The following MAK16 variants were observed in gnomAD, a reference collection of about 807,000 sequenced individuals.
The protein encoded by MAK16 is protein MAK16 homolog.
MAK16 carries 12 observed loss-of-function variants against 49.9 expected under a neutral mutation model. That is an observed-to-expected ratio of 0.24 (90% confidence interval 0.15 to 0.39). The LOEUF (loss-of-function observed/expected upper bound fraction) is 0.39. Among genes scored for constraint, MAK16 ranks in the 10% least tolerant of loss-of-function variants. The pLI, the probability that MAK16 is intolerant of heterozygous loss-of-function variation, is 1.00. For synonymous variants in MAK16, 115 were observed against 126.4 expected (o/e 0.91, Z 0.60); for missense variants, 292 against 363.7 (o/e 0.80, Z 1.60).
chr8:33,496,708 T>C lies in MAK16; in HGVS notation c.606T>C (p.Thr202=). The C allele has an allele frequency of 1.2e-6, 2 of 1,612,378 alleles. No homozygotes were observed. The highest frequency in any genetic ancestry group is 1.7e-6 in the Non-Finnish European group (2 of 1,179,416). Residue 202 remains threonine (T), a synonymous_variant, in exon 8 of 10, where the codon ACT becomes ACC. Transcript: ENST00000360128. The stretch of plus-strand genomic sequence containing the variant: ...AGGCAGAGAGTGACTCTTCAGATAC[T>C]GAGGAAAAAGATGATGATGATGATG... ...QQEAESDSSD[T]EEKDDDDDDE...
intron 1 of MAK16, among the ~76,000 whole-genome samples, chr8:33,486,829 T>C (rs1808695252): frequency 6.6e-6 from 1 of 152,192 alleles, no homozygotes; most frequent in South Asian, 2.1e-4. Flanking sequence ...GATATGTTAA[T>C]ATTTATGTTG....
Position 33,496,697 on chromosome 8 carries a change from T to C in MAK16, c.595T>C (p.Ser199Pro). ...GGAACAACAGGAGGCAGAGAGTGAC[T>C]CTTCAGATACTGAGGAAAAAGATGA... The part of the protein sequence containing the change: ...ALEQQEAESD[S>P]SDTEEKDDDD... Residue 199 changes from serine to proline, a missense_variant, in exon 8 of 10, where the codon TCT becomes CCT. Transcript: ENST00000360128. 1 of 1,613,388 alleles carries C rather than the reference T, an allele frequency of 6.2e-7. No homozygotes were observed. Among genetic ancestry groups the C allele is most frequent in the Admixed American group, 1.7e-5 (1 of 59,886 alleles).
At chr8:33,485,864 A>G (rs1563345244) in intron 1 of MAK16, among the ~76,000 whole-genome samples, 1 of 152,248 alleles carries the variant, frequency 6.6e-6, no homozygotes, top group Non-Finnish European at 1.5e-5. Context: ...ATTACACTAT[A>G]TAATCATACT....
rs536963979 is a variant in MAK16 at position 33,499,184 on chromosome 8, T to G, written c.*555T>G. On this transcript the variant is annotated 3_prime_UTR_variant, in exon 10 of 10. Transcript: ENST00000360128. ...AAGTAATACAAGTCTTAAGTTCCATTGTAGGGTGCGCCTTCAGAAACCTGC... is the reference window on the plus strand; with the variant it reads ...AAGTAATACAAGTCTTAAGTTCCATGGTAGGGTGCGCCTTCAGAAACCTGC... The G allele has an allele frequency of 1.1e-4, 171 of 1,613,594 alleles. No individual in the cohort carries two copies. In the South Asian group the frequency reaches 1.8e-3, roughly 17 times the overall value.
chr8:33,494,772 C>G (rs1482039331), intron 6 of MAK16, among the ~76,000 whole-genome samples: 1 of 152,044 alleles, frequency 6.6e-6, no homozygotes, highest in East Asian at 1.9e-4. Context: ...CAACATGGAA[C>G]ATCGCTGTAG....
At chr8:33,491,058 C>T (rs1183799070) in intron 6 of MAK16, among the ~76,000 whole-genome samples, 1 of 152,170 alleles carries the variant, frequency 6.6e-6, no homozygotes, top group African/African-American at 2.4e-5. Flanking sequence ...TGCCTGGCTT[C>T]TTTCACTTAA....
chr8:33,487,209 G>A (rs149146331), intron 1 of MAK16, among the ~76,000 whole-genome samples: 1,845 of 152,112 alleles, frequency 0.012, 18 homozygotes, highest in Non-Finnish European at 0.019. Flanking sequence ...CTAGATAGAC[G>A]AAACTCTTTA....
At chr8:33,497,094 T>C in intron 8 of MAK16, 138 bp from the exon 9 acceptor site, 1 of 629,102 alleles carries the variant, frequency 1.6e-6, no homozygotes, top group Non-Finnish European at 2.7e-6. Context: ...TTCAGAAGCA[T>C]TAAATTTAGA....
intron 6 of MAK16, among the ~76,000 whole-genome samples, chr8:33,492,040 C>T (rs940487726): frequency 2.0e-5 from 3 of 151,844 alleles, no homozygotes; most frequent in African/African-American, 4.8e-5. Context: ...GATGGAGTCT[C>T]ATTCTGTCAC....
At chr8:33,497,705 G>A (rs986783076) in intron 9 of MAK16, among the ~76,000 whole-genome samples, 6 of 151,464 alleles carry the variant, frequency 4.0e-5, no homozygotes, top group Non-Finnish European at 8.8e-5. Flanking sequence ...TGTTGGCCAG[G>A]CTGGTCTAGA....
At chr8:33,492,253 C>G (rs1808790457) in intron 6 of MAK16, among the ~76,000 whole-genome samples, 1 of 152,044 alleles carries the variant, frequency 6.6e-6, no homozygotes, top group Admixed American at 6.6e-5. Flanking sequence ...CTCAGGTGAT[C>G]TACCTGCCTC....
chr8:33,498,165 C>G (rs780335741), intron 9 of MAK16, among the ~76,000 whole-genome samples: 1 of 147,756 alleles, frequency 6.8e-6, no homozygotes, highest in African/African-American at 2.5e-5. Flanking sequence ...CCCAGCTACT[C>G]AGGAAGCTGA....
chr8:33,496,355 T>A (rs1267060899), intron 7 of MAK16, among the ~76,000 whole-genome samples: 1 of 152,234 alleles, frequency 6.6e-6, no homozygotes, highest in Non-Finnish European at 1.5e-5. Flanking sequence ...TTTGTCCCAA[T>A]GCATGGGTTT....
chr8:33,497,924 C>A lies in MAK16; in HGVS notation c.706-508C>A, dbSNP rs557712996. 2.0e-5 allele frequency among the ~76,000 whole-genome samples: 3 copies of A among 151,606 alleles called. No individual in the cohort carries two copies. In the East Asian group the frequency reaches 6.0e-4, roughly 30 times the overall value. On this transcript the variant is annotated intron_variant, in intron 9 of 9. Transcript: ENST00000360128. ...CAGCCTGGCCAACATAGCAAAACCC[C>A]GTGTCTACTAAAAATACAAAAATTA...
chr8:33,492,768 T>C (rs761534828), intron 6 of MAK16, among the ~76,000 whole-genome samples: 9 of 152,178 alleles, frequency 5.9e-5, no homozygotes, highest in Admixed American at 2.6e-4. Context: ...TCTGTTCTTA[T>C]GCCATTACTA....
chr8:33,499,426 T>C lies in MAK16; in HGVS notation c.*797T>C. 1.6e-6 allele frequency: 1 copy of C among 637,964 alleles called. No homozygotes were observed. Among genetic ancestry groups the C allele is most frequent in the South Asian group, 1.8e-5 (1 of 55,420 alleles). 39.5% of individuals were successfully genotyped at this position (637,964 alleles called of 1,614,324 possible). A position where few individuals can be genotyped will look rare whatever the true frequency, so the allele number is the denominator to read the frequency against. On this transcript the variant is annotated 3_prime_UTR_variant, in exon 10 of 10. Transcript: ENST00000360128. Reference sequence around the variant, plus strand: ...GGTCACTAAGCAGAATAGGTATTAGTTGGTTTTTTATTATTTTTAAATTTA... The same window carrying C: ...GGTCACTAAGCAGAATAGGTATTAGCTGGTTTTTTATTATTTTTAAATTTA...
rs1309109310 is a variant in MAK16, at chr8:33,495,526, T to C, written c.448-16T>C. 1 of 1,609,050 alleles carries C rather than the reference T, an allele frequency of 6.2e-7. No individual in the cohort carries two copies. Among genetic ancestry groups the C allele is most frequent in the Non-Finnish European group, 8.5e-7 (1 of 1,176,744 alleles). On this transcript the variant is annotated splice_polypyrimidine_tract_variant and intron_variant, in intron 6 of 9. Coordinates refer to ENST00000360128, the MANE Select transcript of MAK16 (RefSeq NM_032509.4). ...GCACTGATGAATTAAACAGATTTGC[T>C]CTTTCCCCCTTATAGGAAAAGGCAT...
chr8:33,499,210 T>A lies in MAK16; in HGVS notation c.*581T>A, dbSNP rs1808968142. 1 of 1,614,058 alleles carries A rather than the reference T, an allele frequency of 6.2e-7. No homozygotes were observed. The highest frequency in any genetic ancestry group is 8.5e-7 in the Non-Finnish European group (1 of 1,180,016). On this transcript the variant is annotated 3_prime_UTR_variant, in exon 10 of 10. Coordinates refer to ENST00000360128, the MANE Select transcript of MAK16 (RefSeq NM_032509.4). ...GTAGGGTGCGCCTTCAGAAACCTGC[T>A]GCACTTTTCTGATATAGTTCACCAC...
At chr8:33,491,181 T>C (rs1042331916) in intron 6 of MAK16, among the ~76,000 whole-genome samples, 2 of 152,240 alleles carry the variant, frequency 1.3e-5, no homozygotes, top group Admixed American at 6.5e-5. Flanking sequence ...TATCCATTCA[T>C]CTATTGATGG....
Sources: gnomAD v4.1 joint callset for allele counts (sites outside exome capture counted in the v4.1 genomes callset) on GRCh38, gnomAD v4.1.1 for gene constraint, MANE v1.5 for transcripts, NCBI Gene and HGNC (gene_info 2026-07-23, HGNC 2026-07-21) for gene names.